Variants in CSF1R observed in about 807,000 individuals in gnomAD.
CSF1R encodes macrophage colony-stimulating factor 1 receptor.
A neutral mutation model predicts 110.0 loss-of-function variants in CSF1R; 40 were observed. The ratio of observed to expected loss-of-function variants is 0.36; its 90% CI spans 0.28 to 0.47. The LOEUF is 0.47. CSF1R is among the 20% of genes least tolerant of loss of function. CSF1R has a pLI of 0.99. For synonymous variants in CSF1R, 523 were observed against 503.4 expected, an observed-to-expected ratio of 1.04 and a Z score of -0.52; for missense variants, 1,052 against 1,253.0, an observed-to-expected ratio of 0.84 and a Z score of 2.42.
chr5:150,076,077 C>T (rs888567826), intron 5 of CSF1R, among the ~76,000 whole-genome samples: 8 of 152,236 alleles, frequency 5.3e-5, no homozygotes, highest in Non-Finnish European at 4.4e-5. Flanking sequence ...GGTCTGAGTC[C>T]AGTGACTGCC....
intron 1 of CSF1R, among the ~76,000 whole-genome samples, chr5:150,095,426 T>C (rs1759192392): frequency 6.6e-6 from 1 of 152,170 alleles, no homozygotes; most frequent in African/African-American, 2.4e-5. Context: ...GCAAAGTATT[T>C]CTTGCATCAC....
intron 9 of CSF1R, 84 bp from the exon 10 acceptor site, chr5:150,068,414 A>T: frequency 1.2e-6 from 1 of 864,114 alleles, no homozygotes; most frequent in Non-Finnish European, 1.8e-6. Flanking sequence ...CCTGGAACAC[A>T]GTGGGTGCTC....
chr5:150,079,159 C>G (rs1758412216), intron 3 of CSF1R, among the ~76,000 whole-genome samples: 1 of 152,220 alleles, frequency 6.6e-6, no homozygotes, highest in Admixed American at 6.5e-5. Flanking sequence ...AGAACTAGGG[C>G]CCAGGACCTT....
At chr5:150,111,361 C>T (rs1759711857) in intron 1 of CSF1R, among the ~76,000 whole-genome samples, 1 of 152,204 alleles carries the variant, frequency 6.6e-6, no homozygotes, top group South Asian at 2.1e-4. Flanking sequence ...TTCCCTGGGC[C>T]CGCCTGAGGG....
At position 150,054,014 on chromosome 5, in the gene CSF1R, A is replaced by G. The variant is rs1757054296; in HGVS notation, c.*55T>C. Reference sequence around the variant, plus strand: ...ATGTTCTCCCCGTGTCGCCCCATCCATGGAGGAGTTGAAGTTTGTGGGAGG... The same window carrying G: ...ATGTTCTCCCCGTGTCGCCCCATCCGTGGAGGAGTTGAAGTTTGTGGGAGG... On this transcript the variant is annotated 3_prime_UTR_variant, in exon 21 of 21. Transcript: ENST00000675795. 5.1e-6 allele frequency: 8 copies of G among 1,560,718 alleles called. No individual in the cohort carries two copies. Among genetic ancestry groups the G allele is most frequent in the African/African-American group, 1.4e-5 (1 of 73,710 alleles).
intron 18 of CSF1R, among the ~76,000 whole-genome samples, chr5:150,055,816 C>T (rs1435744102): frequency 6.6e-6 from 1 of 152,228 alleles, no homozygotes; most frequent in Non-Finnish European, 1.5e-5. Flanking sequence ...CAGAGACAAA[C>T]GAGGGAAGAG....
At chr5:150,069,529 C>T (rs1280367887) in intron 9 of CSF1R, among the ~76,000 whole-genome samples, 1 of 152,182 alleles carries the variant, frequency 6.6e-6, no homozygotes, top group Non-Finnish European at 1.5e-5. Context: ...GGAGGCACTG[C>T]TTCCCTGCAT....
upstream of CSF1R, among the ~76,000 whole-genome samples, chr5:150,089,478 T>A (rs1758966699): frequency 1.3e-5 from 2 of 152,126 alleles, no homozygotes; most frequent in Non-Finnish European, 2.9e-5. Flanking sequence ...AATAAAATAT[T>A]TTGGAATAAA....
At position 150,080,069 on chromosome 5, in the gene CSF1R, C is replaced by T. The variant is rs751557861; in HGVS notation, c.575G>A (p.Arg192Gln). Residue 192 changes from arginine to glutamine, a missense_variant, in exon 3 of 21, where the codon CGG (arginine) becomes CAG (glutamine). Arg to Gln is a conservative substitution (Grantham distance 43). Coordinates refer to ENST00000675795, the MANE Select transcript of CSF1R (RefSeq NM_001288705.3). ...CCACGCACCTTTCTGCACTTTCAGC[C>T]GGATGCTGATGGACATCACCTTCCT... is the stretch of plus-strand genomic sequence containing the variant. ...GGRKVMSISIRLKVQKVIPGP... is the reference protein window; with the variant it reads ...GGRKVMSISIQLKVQKVIPGP... 42 of 1,613,762 alleles carry T rather than the reference C, an allele frequency of 2.6e-5. 1 individual carries two copies. Among genetic ancestry groups the T allele is most frequent in the Non-Finnish European group, 2.3e-5 (27 of 1,179,840 alleles).
chr5:150,104,476 C>T (rs750093912), intron 1 of CSF1R, among the ~76,000 whole-genome samples: 1 of 152,266 alleles, frequency 6.6e-6, no homozygotes, highest in African/African-American at 2.4e-5. Context: ...GCATCCCAGG[C>T]CTTTTGGGCT....
At chr5:150,098,564 G>C (rs1290766990) in intron 1 of CSF1R, 1 of 152,144 alleles carries the variant, frequency 6.6e-6, no homozygotes, top group Non-Finnish European at 1.5e-5. Flanking sequence ...CTTTTAAATA[G>C]ATGGTTAAAA....
intron 10 of CSF1R, among the ~76,000 whole-genome samples, chr5:150,064,961 G>A (rs868754782): frequency 2.0e-5 from 3 of 152,338 alleles, no homozygotes; most frequent in Middle Eastern, 3.4e-3. Flanking sequence ...AACTATGAGT[G>A]AGAGATCAAG....
Position 150,084,452 on chromosome 5 carries a change from A to G in CSF1R, c.49+1927T>C, listed in dbSNP as rs541569965. Among the ~76,000 whole-genome samples, 194 of 84,150 alleles carry G rather than the reference A, an allele frequency of 2.3e-3. 1 individual carries two copies. The highest frequency in any genetic ancestry group is 4.0e-3 in the Admixed American group (38 of 9,426). 55.2% of individuals were successfully genotyped at this position (84,150 alleles called of 152,430 possible). A position where few individuals can be genotyped will look rare whatever the true frequency, so the allele number is the denominator to read the frequency against. On this transcript the variant is annotated intron_variant, in intron 1 of 20. Transcript: ENST00000675795. Reference sequence around the variant, plus strand: ...GAAGGAAGGAAGGAAGGAAGGAAGGAAGGAAGAAAGAAAGGAAGGAGATGG... The same window carrying G: ...GAAGGAAGGAAGGAAGGAAGGAAGGGAGGAAGAAAGAAAGGAAGGAGATGG...
chr5:150,064,151 A>AGAGCAGGGAGGGTGGAAGCGGG (rs1333532890), intron 10 of CSF1R, among the ~76,000 whole-genome samples: 2 of 152,210 alleles, frequency 1.3e-5, no homozygotes, highest in Non-Finnish European at 2.9e-5. Flanking sequence ...GGGGGCTACT[A>AGAGCAGGGAGGGTGGAAGCGGG]GAGCAGGGAG....
chr5:150,111,169 G>A (rs541731251), intron 1 of CSF1R, among the ~76,000 whole-genome samples: 1 of 152,310 alleles, frequency 6.6e-6, no homozygotes, highest in East Asian at 1.9e-4. Flanking sequence ...AAAGAAGAAG[G>A]GACGTGAATG....
At chr5:150,104,045 C>T (rs2113865900) in intron 1 of CSF1R, among the ~76,000 whole-genome samples, 1 of 152,220 alleles carries the variant, frequency 6.6e-6, no homozygotes, top group East Asian at 1.9e-4. Flanking sequence ...GGTACCTGCA[C>T]AGGTAACAAG....
chr5:150,080,525 C>T (rs1446664196), intron 2 of CSF1R, among the ~76,000 whole-genome samples, 189 bp from the exon 3 acceptor site: 1 of 152,216 alleles, frequency 6.6e-6, no homozygotes, highest in Non-Finnish European at 1.5e-5. Context: ...CCAGTCTAGT[C>T]CCACTATGTG....
At position 150,073,282 on chromosome 5, in the gene CSF1R, G is replaced by C. The variant is rs371444510; in HGVS notation, c.1082+19C>G. On this transcript the variant is annotated intron_variant, in intron 6 of 20. Transcript: ENST00000675795. ...CATCTGGTTGTCGGGCTGTGTAGAC[G>C]GGAGCTGATAAGTGGTACCTGTATG... The C allele has an allele frequency of 1.2e-6, 2 of 1,605,402 alleles. No homozygotes were observed. The highest frequency in any genetic ancestry group is 1.1e-5 in the South Asian group (1 of 90,412).
intron 10 of CSF1R, among the ~76,000 whole-genome samples, chr5:150,063,495 A>G (rs1485742234): frequency 6.6e-6 from 1 of 151,968 alleles, no homozygotes; most frequent in Non-Finnish European, 1.5e-5. Flanking sequence ...TATAGGCGTG[A>G]GCCATCGCAC....
Sources: allele counts gnomAD v4.1 joint callset (sites outside exome capture counted in the v4.1 genomes callset), GRCh38; gene constraint gnomAD v4.1.1; transcripts MANE v1.5; gene names NCBI Gene and HGNC (gene_info 2026-07-23, HGNC 2026-07-21).